NRG3: variants seen among roughly 807,000 people sequenced by gnomAD.
The protein encoded by NRG3 is pro-neuregulin-3, membrane-bound isoform.
NRG3 carries 31 observed loss-of-function variants against 66.9 expected under a neutral mutation model. The observed-to-expected ratio is 0.46, with a 90% CI of 0.35 to 0.63. The LOEUF (loss-of-function observed/expected upper bound fraction) is 0.63. Ranked by LOEUF, NRG3 falls within the 20% of genes least tolerant of loss-of-function variation. The pLI is 0.00. For missense variants in NRG3, 910 were observed against 878.9 expected (o/e 1.04, Z -0.45); for synonymous variants, 393 against 359.4 (o/e 1.09, Z -1.06).
chr10:82,925,488 A>C (rs1475706), intron 4 of NRG3, among the ~76,000 whole-genome samples: 3 of 152,156 alleles, frequency 2.0e-5, no homozygotes, highest in Non-Finnish European at 4.4e-5. Flanking sequence ...CTCCATAAAT[A>C]TTCATGTTGT....
intron 2 of NRG3, among the ~76,000 whole-genome samples, chr10:82,387,022 A>C (rs2086044678): frequency 6.6e-6 from 1 of 152,126 alleles, no homozygotes; most frequent in African/African-American, 2.4e-5. Flanking sequence ...TTGGTCTCGA[A>C]CTCCTGACTT....
intron 2 of NRG3, among the ~76,000 whole-genome samples, chr10:82,494,030 C>T (rs1465429006): frequency 6.6e-6 from 1 of 152,116 alleles, no homozygotes; most frequent in Admixed American, 6.6e-5. Context: ...AAATCAAAAC[C>T]ACAATGAAAT....
chr10:82,546,970 G>A (rs1028118803), intron 2 of NRG3, among the ~76,000 whole-genome samples: 3 of 152,080 alleles, frequency 2.0e-5, no homozygotes, highest in African/African-American at 7.2e-5. Flanking sequence ...AGGTAGAGAA[G>A]GAGGGAAGAA....
chr10:82,490,827 C>G (rs1209842858), intron 2 of NRG3, among the ~76,000 whole-genome samples: 2 of 152,062 alleles, frequency 1.3e-5, no homozygotes, highest in Admixed American at 1.3e-4. Flanking sequence ...TGATCCAAAC[C>G]ATTATCATTT....
At chr10:82,896,911 A>G (rs1291205219) in intron 4 of NRG3, among the ~76,000 whole-genome samples, 1 of 152,216 alleles carries the variant, frequency 6.6e-6, no homozygotes, top group Non-Finnish European at 1.5e-5. Flanking sequence ...CCCCATACTC[A>G]TGATTAGCAG....
chr10:82,284,149 T>C (rs775860717), intron 1 of NRG3, among the ~76,000 whole-genome samples: 5 of 152,182 alleles, frequency 3.3e-5, no homozygotes, highest in African/African-American at 4.8e-5. Flanking sequence ...CAGGAGCCAA[T>C]ATCTGCGTAT....
intron 1 of NRG3, among the ~76,000 whole-genome samples, chr10:81,947,351 G>A (rs1848937222): frequency 1.3e-5 from 2 of 152,110 alleles, no homozygotes; most frequent in Admixed American, 1.3e-4. Context: ...TGCATTCTAA[G>A]GTACTAGGGT....
intron 3 of NRG3, among the ~76,000 whole-genome samples, chr10:82,784,650 A>G (rs1366628323): frequency 2.6e-5 from 4 of 152,214 alleles, no homozygotes; most frequent in Admixed American, 2.6e-4. Context: ...CAAAACCACA[A>G]TGAGATACCA....
chr10:82,599,101 T>C (rs1430305378), intron 2 of NRG3, among the ~76,000 whole-genome samples: 1 of 151,804 alleles, frequency 6.6e-6, no homozygotes, highest in Non-Finnish European at 1.5e-5. Context: ...AAACTGAAGG[T>C]CAGTAGGTAT....
chr10:82,499,006 G>T lies in NRG3; in HGVS notation c.953+140138G>T, dbSNP rs552348840. 2.6e-5 allele frequency among the ~76,000 whole-genome samples: 4 copies of T among 152,138 alleles called. No homozygotes were observed. In the East Asian group the frequency reaches 7.8e-4, roughly 30 times the overall value. ...CATGATGAAAGCATTGACCAAGAAA[G>T]GTGGAAACATATTGAGTAGCAGGAA... On this transcript the variant is annotated intron_variant, in intron 2 of 8. Coordinates refer to ENST00000372141, the MANE Select transcript of NRG3 (RefSeq NM_001010848.4).
intron 1 of NRG3, among the ~76,000 whole-genome samples, chr10:82,299,173 G>A (rs1235317833): frequency 1.3e-5 from 2 of 152,160 alleles, no homozygotes; most frequent in Non-Finnish European, 2.9e-5. Context: ...AGCCAAGTGA[G>A]AGGCAAGAAG....
chr10:82,421,843 C>A (rs757291052), intron 2 of NRG3, among the ~76,000 whole-genome samples: 3 of 151,900 alleles, frequency 2.0e-5, no homozygotes, highest in Non-Finnish European at 4.4e-5. Flanking sequence ...CTTTAAAGCA[C>A]CTTTAAACTT....
At chr10:82,435,032 T>C (rs1345913146) in intron 2 of NRG3, among the ~76,000 whole-genome samples, 1 of 152,136 alleles carries the variant, frequency 6.6e-6, no homozygotes, top group Non-Finnish European at 1.5e-5. Flanking sequence ...CCAGCTCCTC[T>C]TTGTATTTAT....
intron 4 of NRG3, among the ~76,000 whole-genome samples, chr10:82,896,915 T>A (rs888359846): frequency 1.3e-5 from 2 of 152,242 alleles, no homozygotes; most frequent in African/African-American, 4.8e-5. Flanking sequence ...ATACTCATGA[T>A]TAGCAGGAGT....
chr10:82,388,914 C>T (rs905350278), intron 2 of NRG3, among the ~76,000 whole-genome samples: 2 of 152,086 alleles, frequency 1.3e-5, no homozygotes, highest in Admixed American at 6.6e-5. Context: ...CCATACCTGC[C>T]GAGTCAGTGG....
At chr10:82,702,438 A>C (rs115005282) in intron 2 of NRG3, among the ~76,000 whole-genome samples, 4,135 of 152,290 alleles carry the variant, frequency 0.027, 193 homozygotes, top group African/African-American at 0.094. Flanking sequence ...AGTATTTCCC[A>C]CCAAAACAGT....
At chr10:81,937,430 T>TTTA (rs910188745) in intron 1 of NRG3, among the ~76,000 whole-genome samples, 1 of 152,044 alleles carries the variant, frequency 6.6e-6, no homozygotes, top group East Asian at 1.9e-4. Flanking sequence ...CTTACCAACA[T>TTTA]TTATTATTAT....
chr10:82,957,221 T>G (rs931728726), intron 5 of NRG3, among the ~76,000 whole-genome samples: 1 of 152,002 alleles, frequency 6.6e-6, no homozygotes, highest in Admixed American at 6.5e-5. Context: ...ATAGCTTTTA[T>G]GAACTTCATT....
chr10:82,829,224 G>A (rs1323158406), intron 3 of NRG3, among the ~76,000 whole-genome samples: 2 of 152,094 alleles, frequency 1.3e-5, no homozygotes, highest in African/African-American at 2.4e-5. Context: ...AGATCTGATT[G>A]GAGCACAGTG....
Sources: gnomAD v4.1 joint callset for allele counts (sites outside exome capture counted in the v4.1 genomes callset) on GRCh38, gnomAD v4.1.1 for gene constraint, MANE v1.5 for transcripts, NCBI Gene and HGNC (gene_info 2026-07-23, HGNC 2026-07-21) for gene names.